Variants in MARK3 observed in about 807,000 individuals in gnomAD.
MARK3 encodes microtubule affinity regulating kinase 3, also known as MAP/microtubule affinity-regulating kinase 3.
A neutral mutation model predicts 90.1 loss-of-function variants in MARK3; 46 were observed. The observed-to-expected ratio is 0.51, with a 90% confidence interval of 0.40 to 0.65. The LOEUF (loss-of-function observed/expected upper bound fraction) is 0.65. Among genes scored for constraint, MARK3 ranks in the 30% least tolerant of loss-of-function variants. The pLI is 0.00. For synonymous variants in MARK3, 321 were observed against 332.6 expected (o/e 0.97, Z 0.38); for missense variants, 818 against 947.2 (o/e 0.86, Z 1.79).
chr14:103,385,968 C>G lies in MARK3; in HGVS notation c.-62C>G. On this transcript the variant is annotated 5_prime_UTR_variant, in exon 1 of 18. Transcript: ENST00000429436. ...TGGACTCGAGGACGCTGGTCGCCGGCCTCCTAGGGCTGTGCTGTTTTGTTT... is the reference window on the plus strand; with the variant it reads ...TGGACTCGAGGACGCTGGTCGCCGGGCTCCTAGGGCTGTGCTGTTTTGTTT... The G allele has an allele frequency of 7.1e-7, 1 of 1,399,032 alleles. No homozygotes were observed. The highest frequency in any genetic ancestry group is 1.2e-5 in the South Asian group (1 of 86,578). 86.7% of individuals were successfully genotyped at this position (1,399,032 alleles called of 1,614,324 possible).
Position 103,491,053 on chromosome 14 carries a change from AC to A in MARK3, c.1587-720del, listed in dbSNP as rs1566936222. On this transcript the variant is annotated intron_variant, in intron 14 of 17. Coordinates refer to ENST00000429436, the MANE Select transcript of MARK3 (RefSeq NM_001128918.3). ...TCGATGTCCATGTCAGCCTCTGGGC[AC>A]CCCAAGATGATGTTACCTCCAATAG... is the stretch of plus-strand genomic sequence containing the variant. 4.7e-6 allele frequency: 6 copies of A among 1,288,312 alleles called. No homozygotes were observed. The East Asian group carries it at 3.3e-4, about 72-fold the overall frequency. The allele number at this position is 1,288,312 out of a possible 1,614,324, so 79.8% of individuals were successfully genotyped here. A position where few individuals can be genotyped will look rare whatever the true frequency, so the allele number is the denominator to read the frequency against.
intron 3 of MARK3, among the ~76,000 whole-genome samples, chr14:103,432,480 A>G (rs950590994): frequency 6.6e-6 from 1 of 152,110 alleles, no homozygotes; most frequent in Non-Finnish European, 1.5e-5. Context: ...ATAGGGCAAC[A>G]CTACATTCCA....
At chr14:103,474,579 T>TA (rs2093684950) in intron 12 of MARK3, among the ~76,000 whole-genome samples, 1 of 152,194 alleles carries the variant, frequency 6.6e-6, no homozygotes, top group African/African-American at 2.4e-5. Context: ...AAGTGGCCCA[T>TA]AAAATCTATA....
At chr14:103,449,040 A>T in intron 4 of MARK3, 73 bp downstream of exon 4, 1 of 1,409,294 alleles carries the variant, frequency 7.1e-7, no homozygotes, top group Non-Finnish European at 9.8e-7. Context: ...CTAAACACGT[A>T]TTCTAGAAAT....
intron 3 of MARK3, among the ~76,000 whole-genome samples, chr14:103,435,711 T>A (rs2092700811): frequency 6.6e-6 from 1 of 151,920 alleles, no homozygotes; most frequent in Non-Finnish European, 1.5e-5. Flanking sequence ...CCCGGCCTAT[T>A]TATTTTTTAT....
chr14:103,449,098 T>A, intron 4 of MARK3, 131 bp downstream of exon 4: 1 of 1,063,926 alleles, frequency 9.4e-7, no homozygotes, highest in South Asian at 1.5e-5. Flanking sequence ...GTTGATCATT[T>A]GTATTAGCTT....
rs765268026 is a variant in MARK3, at chr14:103,502,996, G to A, written c.2031G>A (p.Arg677=). The part of the protein sequence containing the change: ...TSSMDPGDMM[R]EIRKVLDANN... ...CAATGGATCCCGGGGACATGATGCGGGAAATCCGCAAAGTGTTGGACGCCA... is the reference window on the plus strand; with the variant it reads ...CAATGGATCCCGGGGACATGATGCGAGAAATCCGCAAAGTGTTGGACGCCA... The change falls in exon 18 of 18, where the codon CGG becomes CGA. Residue 677 remains arginine, a synonymous_variant. Transcript: ENST00000429436. 22 of 1,614,282 alleles carry A rather than the reference G, an allele frequency of 1.4e-5. No homozygotes were observed. The highest frequency in any genetic ancestry group is 1.7e-5 in the Non-Finnish European group (20 of 1,180,056).
chr14:103,472,647 C>CAAAAAA (rs71126028), intron 12 of MARK3, among the ~76,000 whole-genome samples: 1 of 72,536 alleles, frequency 1.4e-5, no homozygotes. Context: ...GGCTCCATCT[C>CAAAAAA]AAAAAAAAAA....
rs527562393 is a variant in MARK3 at position 103,407,066 on chromosome 14, G to A, written c.243+1799G>A. 8.4e-4 allele frequency among the ~76,000 whole-genome samples: 128 copies of A among 152,204 alleles called. 1 individual carries two copies. Among genetic ancestry groups the A allele is most frequent in the African/African-American group, 3.0e-3 (124 of 41,528 alleles). On this transcript the variant is annotated intron_variant, in intron 2 of 17. Coordinates refer to ENST00000429436, the MANE Select transcript of MARK3 (RefSeq NM_001128918.3). ...GCCAGGATGGTCTCGATCTCATCTC[G>A]TGATCCGCCTGCCTCAGCCTCCCAC...
intron 7 of MARK3, 126 bp from the exon 8 acceptor site, chr14:103,465,431 G>A (rs1023889863): frequency 3.1e-6 from 2 of 642,396 alleles, no homozygotes; most frequent in Non-Finnish European, 5.5e-6. Flanking sequence ...TAGAAAGAAT[G>A]TTTTCACATT....
chr14:103,439,538 A>G (rs1239413375), intron 3 of MARK3, among the ~76,000 whole-genome samples: 1 of 152,062 alleles, frequency 6.6e-6, no homozygotes, highest in Non-Finnish European at 1.5e-5. Flanking sequence ...CCTCCTGAGT[A>G]GCAGGGATTA....
chr14:103,445,215 C>CT (rs1167568084), intron 3 of MARK3, among the ~76,000 whole-genome samples: 2 of 152,116 alleles, frequency 1.3e-5, no homozygotes, highest in Non-Finnish European at 2.9e-5. Context: ...CCTAACCTGT[C>CT]TCAGTCGTCT....
Position 103,465,882 on chromosome 14 carries a change from C to T in MARK3, c.777+89C>T, listed in dbSNP as rs568240298. Reference sequence around the variant, plus strand: ...TAATATTTTTAACATTATATCAGTGCGGGGGGTTTCAGGGGGTTTTTTGTT... The same window carrying T: ...TAATATTTTTAACATTATATCAGTGTGGGGGGTTTCAGGGGGTTTTTTGTT... On this transcript the variant is annotated intron_variant, in intron 8 of 17. Coordinates refer to ENST00000429436, the MANE Select transcript of MARK3 (RefSeq NM_001128918.3). 1.6e-5 allele frequency: 25 copies of T among 1,544,864 alleles called. No homozygotes were observed. The African/African-American group carries it at 2.3e-4, about 14-fold the overall frequency.
At chr14:103,431,725 C>A (rs2092588233) in intron 3 of MARK3, among the ~76,000 whole-genome samples, 1 of 152,202 alleles carries the variant, frequency 6.6e-6, no homozygotes, top group East Asian at 1.9e-4. Flanking sequence ...TTCCAGTGTT[C>A]AGTGGCTTTG....
rs746439218 is a variant in MARK3, at chr14:103,449,019, A to G, written c.346+52A>G. The G allele has an allele frequency of 2.0e-6, 3 of 1,504,752 alleles. No homozygotes were observed. In the East Asian group the frequency reaches 6.9e-5, roughly 35 times the overall value. The allele number at this position is 1,504,752 out of a possible 1,614,324, so 93.2% of individuals were successfully genotyped here. ...GGGGTCTAAATACGTACTTGAAATT[A>G]TGTCATAAAGCTAAACACGTATTCT... is the stretch of plus-strand genomic sequence containing the variant. On this transcript the variant is annotated intron_variant, in intron 4 of 17. Transcript: ENST00000429436.
chr14:103,387,363 C>G (rs895940045), intron 1 of MARK3, among the ~76,000 whole-genome samples: 1 of 152,162 alleles, frequency 6.6e-6, no homozygotes, highest in African/African-American at 2.4e-5. Context: ...ATGTACCTTT[C>G]TCCACCTGAG....
chr14:103,412,943 C>A (rs545577840), intron 2 of MARK3, among the ~76,000 whole-genome samples: 16 of 150,798 alleles, frequency 1.1e-4, no homozygotes, highest in Non-Finnish European at 1.8e-4. Context: ...GGCGTGATCT[C>A]AGCTCACCAC....
At chr14:103,444,574 C>T (rs997957541) in intron 3 of MARK3, among the ~76,000 whole-genome samples, 4 of 152,144 alleles carry the variant, frequency 2.6e-5, no homozygotes, top group Admixed American at 6.5e-5. Flanking sequence ...GTCAGGAGAT[C>T]GAGACCATCC....
chr14:103,401,815 C>T (rs1166174112), intron 1 of MARK3, among the ~76,000 whole-genome samples: 4 of 152,094 alleles, frequency 2.6e-5, no homozygotes, highest in African/African-American at 9.7e-5. Context: ...TCTAGGATCC[C>T]AGTAAGGAGA....
Sources: allele counts gnomAD v4.1 joint callset (sites outside exome capture counted in the v4.1 genomes callset), GRCh38; gene constraint gnomAD v4.1.1; transcripts MANE v1.5; gene names NCBI Gene and HGNC (gene_info 2026-07-23, HGNC 2026-07-21).